SLC44A1: variants seen among roughly 807,000 people sequenced by gnomAD.
The protein encoded by SLC44A1 is choline transporter-like protein 1.
A neutral mutation model predicts 79.3 loss-of-function variants in SLC44A1; 26 were observed. The observed-to-expected ratio is 0.33, with a 90% confidence interval of 0.24 to 0.46. The LOEUF is 0.46. Among genes scored for constraint, SLC44A1 ranks in the 20% least tolerant of loss-of-function variants. The pLI is 1.00. For missense variants in SLC44A1, 688 were observed against 798.1 expected, an observed-to-expected ratio of 0.86 and a Z score of 1.66; for synonymous variants, 263 against 286.2, an observed-to-expected ratio of 0.92 and a Z score of 0.82.
At chr9:105,386,580 CTT>C (rs530690936) in intron 15 of SLC44A1, 40 of 215,416 alleles carry the variant, frequency 1.9e-4, no homozygotes, top group Non-Finnish European at 2.7e-4. Flanking sequence ...GATTTTTTGC[CTT>C]TTTTTTTTTA....
In SLC44A1 at chr9:105,392,543, G is replaced by T. The variant is rs2771029; in HGVS notation, c.*3487G>T. The T allele has an allele frequency of 0.027, 26,144 of 984,870 alleles. 351 individuals carry two copies. Among genetic ancestry groups the T allele is most frequent in the Non-Finnish European group, 0.029 (23,953 of 829,860 alleles). 61.0% of individuals were successfully genotyped at this position (984,870 alleles called of 1,614,324 possible). A position where few individuals can be genotyped will look rare whatever the true frequency, so the allele number is the denominator to read the frequency against. ...CAGTTTTAGGATTTCACCCTAGTAG[G>T]GGGTATGAGGCACTGACCCCTTTAT... On this transcript the variant is annotated 3_prime_UTR_variant, in exon 16 of 16. Coordinates refer to ENST00000374720, the MANE Select transcript of SLC44A1 (RefSeq NM_080546.5).
chr9:105,430,824 A>ATT (rs1829383137), intron 15 of SLC44A1, among the ~76,000 whole-genome samples: 1 of 152,170 alleles, frequency 6.6e-6, no homozygotes, highest in African/African-American at 2.4e-5. Flanking sequence ...GTAATCCTGT[A>ATT]TTTAACTTTT....
In SLC44A1 at chr9:105,392,399, CTCTCTTTTTTTTT is replaced by C. The variant is rs1326841924; in HGVS notation, c.*3345_*3357del. ...TTTTGTAGAGATGCTCTCTCTCTCT[CTCTCTTTTTTTTT>C]TTTTTTTTTTTTTTTTTTCCGTGAG... On this transcript the variant is annotated 3_prime_UTR_variant, in exon 16 of 16. Transcript: ENST00000374720. 2.3e-3 allele frequency: 1,872 copies of C among 817,266 alleles called. 5 individuals are homozygous for C. The highest frequency in any genetic ancestry group is 2.5e-3 in the Non-Finnish European group (1,767 of 705,802). The allele number at this position is 817,266 out of a possible 1,614,324, so 50.6% of individuals were successfully genotyped here. A position where few individuals can be genotyped will look rare whatever the true frequency, so the allele number is the denominator to read the frequency against.
chr9:105,359,373 C>T (rs1827715539), intron 7 of SLC44A1, among the ~76,000 whole-genome samples: 1 of 151,650 alleles, frequency 6.6e-6, no homozygotes, highest in Non-Finnish European at 1.5e-5. Flanking sequence ...AGAAAAAAAC[C>T]AATGGAACAG....
chr9:105,271,634 G>T (rs1460239426), intron 1 of SLC44A1, among the ~76,000 whole-genome samples: 1 of 151,878 alleles, frequency 6.6e-6, no homozygotes, highest in African/African-American at 2.4e-5. Context: ...TTTTCTTTCA[G>T]ACAGAGTCTC....
In SLC44A1 at chr9:105,312,645, C is replaced by T. The variant is rs1019129610; in HGVS notation, c.269+2779C>T. Among the ~76,000 whole-genome samples, 5 of 152,210 alleles carry T rather than the reference C, an allele frequency of 3.3e-5. No homozygotes were observed. The South Asian group carries it at 8.3e-4, about 25-fold the overall frequency. On this transcript the variant is annotated intron_variant, in intron 3 of 15. Transcript: ENST00000374720. ...AAAGACCGTTCCATTTATATTCCCACCAACAGTGTTTGAGATTGCTTTATC... is the reference window on the plus strand; with the variant it reads ...AAAGACCGTTCCATTTATATTCCCATCAACAGTGTTTGAGATTGCTTTATC...
intron 12 of SLC44A1, among the ~76,000 whole-genome samples, chr9:105,367,199 C>A (rs11506819): frequency 0.1 from 15,245 of 151,980 alleles, 1,957 homozygotes; most frequent in African/African-American, 0.3. Flanking sequence ...ATGCCCTCAT[C>A]TAATAGGCCA....
chr9:105,279,735 C>T (rs1830306943), intron 1 of SLC44A1, among the ~76,000 whole-genome samples: 2 of 152,134 alleles, frequency 1.3e-5, no homozygotes, highest in Admixed American at 6.6e-5. Flanking sequence ...CTTCTATCAC[C>T]ATTAACATTG....
intron 3 of SLC44A1, among the ~76,000 whole-genome samples, chr9:105,325,591 C>T (rs1195478658): frequency 6.6e-6 from 1 of 152,134 alleles, no homozygotes; most frequent in Admixed American, 6.5e-5. Context: ...TCACATCTCT[C>T]TTCTTACAAA....
chr9:105,358,286 A>G, intron 6 of SLC44A1, 58 bp from the exon 7 acceptor site: 2 of 993,000 alleles, frequency 2.0e-6, no homozygotes, highest in Non-Finnish European at 3.1e-6. Flanking sequence ...AAGCGTTTTT[A>G]TTTGTATTTA....
rs1274453683 is a variant in SLC44A1 at position 105,393,648 on chromosome 9, TGATTTTGTACATGTAAA to T, written c.*4595_*4611del. ...ACTGTAGTGCCCTTTCTTCCCATCT[TGATTTTGTACATGTAAA>T]GACAAATGATGATTCAGTTTCAATA... On this transcript the variant is annotated 3_prime_UTR_variant, in exon 16 of 16. Transcript: ENST00000374720. The T allele has an allele frequency of 2.0e-6, 2 of 984,392 alleles. No individual in the cohort carries two copies. The highest frequency in any genetic ancestry group is 3.5e-5 in the African/African-American group (2 of 57,234). 61.0% of individuals were successfully genotyped at this position (984,392 alleles called of 1,614,324 possible).
chr9:105,265,469 T>C (rs1829940292), intron 1 of SLC44A1, among the ~76,000 whole-genome samples: 2 of 152,240 alleles, frequency 1.3e-5, no homozygotes, highest in Non-Finnish European at 2.9e-5. Context: ...CATGCATCAA[T>C]AGTTTGTTTT....
At chr9:105,296,233 G>A (rs1217225072) in intron 1 of SLC44A1, among the ~76,000 whole-genome samples, 2 of 152,146 alleles carry the variant, frequency 1.3e-5, no homozygotes, top group African/African-American at 4.8e-5. Flanking sequence ...TTGTCCAAGT[G>A]AGGGTGATCA....
intron 9 of SLC44A1, among the ~76,000 whole-genome samples, chr9:105,364,091 C>T (rs1827867319): frequency 6.6e-6 from 1 of 152,090 alleles, no homozygotes; most frequent in South Asian, 2.1e-4. Flanking sequence ...AAAGGTTAAG[C>T]TTAAATGGAA....
Position 105,397,299 on chromosome 9 carries a change from A to G in SLC44A1, c.*8243A>G, listed in dbSNP as rs1422706704. On this transcript the variant is annotated 3_prime_UTR_variant, in exon 16 of 16. Coordinates refer to ENST00000374720, the MANE Select transcript of SLC44A1 (RefSeq NM_080546.5). The stretch of plus-strand genomic sequence containing the variant: ...AATGAAAACTGTATTTTAGTCTAAC[A>G]AATGTATAGAATTTTTTATGTAATA... 1.0e-6 allele frequency: 1 copy of G among 979,494 alleles called. No individual in the cohort carries two copies. Among genetic ancestry groups the G allele is most frequent in the Non-Finnish European group, 1.2e-6 (1 of 824,608 alleles). The allele number at this position is 979,494 out of a possible 1,614,324, so 60.7% of individuals were successfully genotyped here.
intron 7 of SLC44A1, 97 bp downstream of exon 7, chr9:105,358,530 C>A: frequency 1.4e-6 from 1 of 740,398 alleles, no homozygotes; most frequent in Non-Finnish European, 2.3e-6. Flanking sequence ...TTTTCACAAG[C>A]TATATCCTCA....
intron 1 of SLC44A1, among the ~76,000 whole-genome samples, chr9:105,251,466 T>C (rs1391685585): frequency 6.6e-6 from 1 of 152,234 alleles, no homozygotes; most frequent in African/African-American, 2.4e-5. Flanking sequence ...ATTGCAGTCT[T>C]GGTGATCTTT....
chr9:105,352,537 A>G (rs1827483181), intron 5 of SLC44A1, among the ~76,000 whole-genome samples: 1 of 152,238 alleles, frequency 6.6e-6, no homozygotes, highest in African/African-American at 2.4e-5. Flanking sequence ...CTGCTTCAGC[A>G]AGTAAAACAG....
At chr9:105,336,121 TGTGTGTGTGTGC>T (rs1318928175) in intron 4 of SLC44A1, among the ~76,000 whole-genome samples, 1 of 147,334 alleles carries the variant, frequency 6.8e-6, no homozygotes, top group Non-Finnish European at 1.5e-5. Flanking sequence ...CATACATATG[TGTGTGTGTGTGC>T]ATGTGTGTGT....
Sources: allele counts gnomAD v4.1 joint callset (sites outside exome capture counted in the v4.1 genomes callset), GRCh38; gene constraint gnomAD v4.1.1; transcripts MANE v1.5; gene names NCBI Gene and HGNC (gene_info 2026-07-23, HGNC 2026-07-21).